Variants in AGBL4 observed in about 807,000 individuals in gnomAD.
AGBL4 encodes AGBL carboxypeptidase 4.
Under a neutral mutation model 66.4 loss-of-function variants are expected in AGBL4, and 58 were observed. The ratio of observed to expected loss-of-function variants is 0.87; its 90% CI spans 0.71 to 1.09. AGBL4 has a LOEUF of 1.09. Among genes scored for constraint, AGBL4 ranks in the 50% least tolerant of loss-of-function variants. AGBL4 has a pLI of 0.00. For synonymous variants in AGBL4, 234 were observed against 222.9 expected, an observed-to-expected ratio of 1.05 and a Z score of -0.44; for missense variants, 579 against 631.0, an observed-to-expected ratio of 0.92 and a Z score of 0.88.
intron 6 of AGBL4, among the ~76,000 whole-genome samples, chr1:48,765,895 A>C (rs1048348895): frequency 2.6e-5 from 4 of 152,198 alleles, no homozygotes; most frequent in Non-Finnish European, 5.9e-5. Flanking sequence ...TTTAGTTGTT[A>C]CCAAGAGCAG....
At chr1:48,640,702 G>A (rs936194329) in intron 8 of AGBL4, among the ~76,000 whole-genome samples, 3 of 152,144 alleles carry the variant, frequency 2.0e-5, no homozygotes, top group East Asian at 1.9e-4. Context: ...CACCTTTGAG[G>A]TTCCCAGCCA....
intron 11 of AGBL4, among the ~76,000 whole-genome samples, chr1:48,579,194 C>G (rs539637779): frequency 6.6e-6 from 1 of 152,114 alleles, no homozygotes; most frequent in African/African-American, 2.4e-5. Flanking sequence ...AAATGATTGG[C>G]CTTAACAGCT....
At chr1:49,702,221 G>T (rs1275256555) in intron 2 of AGBL4, among the ~76,000 whole-genome samples, 1 of 152,214 alleles carries the variant, frequency 6.6e-6, no homozygotes, top group Admixed American at 6.5e-5. Context: ...GACTGGGTGT[G>T]GTGGCTCACA....
At chr1:48,695,409 C>T (rs1646699210) in intron 6 of AGBL4, among the ~76,000 whole-genome samples, 1 of 152,252 alleles carries the variant, frequency 6.6e-6, no homozygotes, top group South Asian at 2.1e-4. Flanking sequence ...AATTTGACTT[C>T]ACGCTTTAGC....
chr1:49,134,488 C>T lies in AGBL4; in HGVS notation c.378-88688G>A, dbSNP rs754240733. Among the ~76,000 whole-genome samples, 14 of 121,432 alleles carry T rather than the reference C, an allele frequency of 1.2e-4. 1 individual carries two copies. The highest frequency in any genetic ancestry group is 3.9e-4 in the African/African-American group (13 of 33,208). 79.7% of individuals were successfully genotyped at this position (121,432 alleles called of 152,430 possible). On this transcript the variant is annotated intron_variant, in intron 4 of 13. Transcript: ENST00000371839. ...CCATTTTGGAGGGCCCCCCCCCCCC[C>T]ACCCCAGGAATGCATTCTTTTCCCA...
chr1:49,069,089 T>C lies in AGBL4; in HGVS notation c.378-23289A>G, dbSNP rs183853015. 1.2e-4 allele frequency among the ~76,000 whole-genome samples: 19 copies of C among 152,324 alleles called. No individual in the cohort carries two copies. The East Asian group carries it at 3.7e-3, about 29-fold the overall frequency. Reference sequence around the variant, plus strand: ...TTCTTGATGGGGTTGTTTGTTTTTTTCTTGTAAATTTGTTTAGGTTCTTTG... The same window carrying C: ...TTCTTGATGGGGTTGTTTGTTTTTTCCTTGTAAATTTGTTTAGGTTCTTTG... On this transcript the variant is annotated intron_variant, in intron 4 of 13. Transcript: ENST00000371839.
chr1:49,613,942 G>T (rs1271492217), intron 3 of AGBL4, among the ~76,000 whole-genome samples: 3 of 152,070 alleles, frequency 2.0e-5, no homozygotes, highest in African/African-American at 7.2e-5. Flanking sequence ...AAGAATATTA[G>T]AATCACAGCA....
intron 1 of AGBL4, among the ~76,000 whole-genome samples, chr1:49,992,785 G>C (rs559984932): frequency 6.6e-6 from 1 of 152,164 alleles, no homozygotes; most frequent in African/African-American, 2.4e-5. Context: ...ATCCTACCTT[G>C]TAGAACTAAT....
chr1:49,432,698 T>C (rs1256178161), intron 3 of AGBL4, among the ~76,000 whole-genome samples: 1 of 152,194 alleles, frequency 6.6e-6, no homozygotes, highest in Non-Finnish European at 1.5e-5. Flanking sequence ...CAAAATGGCA[T>C]ATTAGCAAGT....
chr1:49,014,031 A>G (rs1662641217), intron 5 of AGBL4, among the ~76,000 whole-genome samples: 2 of 152,122 alleles, frequency 1.3e-5, no homozygotes, highest in Non-Finnish European at 2.9e-5. Context: ...CAATATTAGG[A>G]ATGTTAAAAG....
At chr1:49,321,053 T>A (rs1236825254) in intron 3 of AGBL4, among the ~76,000 whole-genome samples, 2 of 152,112 alleles carry the variant, frequency 1.3e-5, no homozygotes, top group African/African-American at 4.8e-5. Context: ...CATGTGGGGA[T>A]TCAATTGAAG....
intron 3 of AGBL4, among the ~76,000 whole-genome samples, chr1:49,441,052 A>C (rs749637967): frequency 6.6e-6 from 1 of 152,112 alleles, no homozygotes; most frequent in Non-Finnish European, 1.5e-5. Flanking sequence ...GGCAGTTGCC[A>C]GGCAAAATAA....
At chr1:49,497,141 T>C (rs1647668359) in intron 3 of AGBL4, among the ~76,000 whole-genome samples, 1 of 152,188 alleles carries the variant, frequency 6.6e-6, no homozygotes, top group South Asian at 2.1e-4. Flanking sequence ...TTGAACATTT[T>C]TTATATGCCT....
At chr1:49,946,418 T>G (rs1021511648) in intron 1 of AGBL4, among the ~76,000 whole-genome samples, 1 of 151,938 alleles carries the variant, frequency 6.6e-6, no homozygotes, top group African/African-American at 2.4e-5. Context: ...TTTAAAACCA[T>G]GCAAATATAT....
chr1:48,933,732 G>T (rs536807356), intron 5 of AGBL4, among the ~76,000 whole-genome samples: 1 of 152,302 alleles, frequency 6.6e-6, no homozygotes, highest in South Asian at 2.1e-4. Context: ...AAAATGAAAT[G>T]CTAGATGGGA....
chr1:48,898,710 G>C (rs947067030), intron 5 of AGBL4, among the ~76,000 whole-genome samples: 1 of 152,014 alleles, frequency 6.6e-6, no homozygotes, highest in Non-Finnish European at 1.5e-5. Context: ...AGTAAATTTT[G>C]AAGTCTGGTA....
At chr1:49,234,524 C>T (rs1286666224) in intron 4 of AGBL4, among the ~76,000 whole-genome samples, 1 of 152,152 alleles carries the variant, frequency 6.6e-6, no homozygotes, top group Non-Finnish European at 1.5e-5. Context: ...AGGATGTCTA[C>T]AGGTAGAGAA....
chr1:49,273,332 A>G (rs1160776404), intron 3 of AGBL4, among the ~76,000 whole-genome samples: 1 of 151,884 alleles, frequency 6.6e-6, no homozygotes, highest in African/African-American at 2.4e-5. Context: ...TACTAAATAT[A>G]AAATAGTCTA....
intron 5 of AGBL4, among the ~76,000 whole-genome samples, chr1:48,954,007 T>C (rs1657222424): frequency 6.6e-6 from 1 of 152,220 alleles, no homozygotes; most frequent in Admixed American, 6.5e-5. Context: ...ACGATTGTTC[T>C]AGCTGCCCCG....
Sources: allele counts gnomAD v4.1 joint callset (sites outside exome capture counted in the v4.1 genomes callset), GRCh38; gene constraint gnomAD v4.1.1; transcripts MANE v1.5; gene names NCBI Gene and HGNC (gene_info 2026-07-23, HGNC 2026-07-21).